PHLDB2: variants seen among roughly 807,000 people sequenced by gnomAD.
PHLDB2 encodes pleckstrin homology like domain family B member 2, also known as pleckstrin homology-like domain family B member 2.
Under a neutral mutation model 123.6 loss-of-function variants are expected in PHLDB2, and 71 were observed. The ratio of observed to expected loss-of-function variants is 0.57; its 90% confidence interval spans 0.47 to 0.70. PHLDB2 has a LOEUF of 0.70. PHLDB2 is among the 30% of genes least tolerant of loss of function. The pLI is 0.00. For missense variants in PHLDB2, 1,446 were observed against 1,519.5 expected, an observed-to-expected ratio of 0.95 and a Z score of 0.80; for synonymous variants, 547 against 541.6, an observed-to-expected ratio of 1.01 and a Z score of -0.14.
At chr3:111,797,016 ATTAGTCTACCCTT>A (rs1559836343) in intron 1 of PHLDB2, among the ~76,000 whole-genome samples, 1 of 152,122 alleles carries the variant, frequency 6.6e-6, no homozygotes, top group Non-Finnish European at 1.5e-5. Context: ...CTAGCTCAGG[ATTAGTCTACCCTT>A]TTACCTAAAA....
intron 1 of PHLDB2, among the ~76,000 whole-genome samples, chr3:111,872,338 T>C (rs1030143553): frequency 6.6e-6 from 1 of 152,216 alleles, no homozygotes. Context: ...TCAGCATAGA[T>C]CAAGAAGACA....
intron 1 of PHLDB2, among the ~76,000 whole-genome samples, chr3:111,780,950 G>A (rs1445037344): frequency 6.6e-6 from 1 of 152,034 alleles, no homozygotes; most frequent in Non-Finnish European, 1.5e-5. Flanking sequence ...CCCAAATCAA[G>A]CATAGAGCTA....
intron 1 of PHLDB2, among the ~76,000 whole-genome samples, chr3:111,777,484 A>G (rs73855604): frequency 5.8e-4 from 88 of 152,208 alleles, no homozygotes; most frequent in African/African-American, 2.1e-3. Context: ...TAACAAAGGG[A>G]TATTTAGTAC....
chr3:111,748,802 G>A (rs1452893060), intron 1 of PHLDB2, among the ~76,000 whole-genome samples: 7 of 152,114 alleles, frequency 4.6e-5, no homozygotes, highest in Non-Finnish European at 7.3e-5. Context: ...GATTACAGGC[G>A]TGAGTCACTG....
chr3:111,958,988 A>T (rs2107655568), intron 12 of PHLDB2, among the ~76,000 whole-genome samples: 1 of 152,378 alleles, frequency 6.6e-6, no homozygotes, highest in South Asian at 2.1e-4. Context: ...TGTGGTGCAC[A>T]GGACATCTGC....
Position 111,974,433 on chromosome 3 carries a change from C to A in PHLDB2, c.3632C>A (p.Pro1211Gln). 3 of 1,598,348 alleles carry A rather than the reference C, an allele frequency of 1.9e-6. No individual in the cohort carries two copies. Among genetic ancestry groups the A allele is most frequent in the Non-Finnish European group, 2.6e-6 (3 of 1,172,824 alleles). The change falls in exon 18 of 18, where the codon CCG becomes CAG. Residue 1211 changes from proline (P) to glutamine (Q), a missense_variant. Physicochemically the swap from Pro to Gln is moderately conservative, Grantham distance 76. Around this residue, in one of 3 missense-constraint regions of PHLDB2, gnomAD observed 594 missense variants for 646.0 expected, o/e 0.92. Transcript: ENST00000431670. The part of the protein sequence containing the change: ...HLKNANKSPN[P>Q]LLTFSVKTHD... Reference sequence around the variant, plus strand: ...TTTTTTGAATTTTAGAGTCCTAATCCGTTACTCACCTTTAGCGTCAAGACT... The same window carrying A: ...TTTTTTGAATTTTAGAGTCCTAATCAGTTACTCACCTTTAGCGTCAAGACT...
chr3:111,830,045 A>G (rs1355444191), intron 1 of PHLDB2, among the ~76,000 whole-genome samples: 2 of 151,840 alleles, frequency 1.3e-5, no homozygotes, highest in South Asian at 2.1e-4. Context: ...CCAAGCCACT[A>G]AAGAGAAATT....
chr3:111,953,265 G>A (rs1326373285), intron 11 of PHLDB2, among the ~76,000 whole-genome samples: 4 of 152,152 alleles, frequency 2.6e-5, no homozygotes, highest in African/African-American at 4.8e-5. Flanking sequence ...CCTGATGCCC[G>A]CCCAAGCTCT....
chr3:111,749,366 G>A (rs1238094780), intron 1 of PHLDB2, among the ~76,000 whole-genome samples: 1 of 152,004 alleles, frequency 6.6e-6, no homozygotes, highest in Non-Finnish European at 1.5e-5. Context: ...TTAGTGGCAT[G>A]TGAAAGATGA....
At chr3:111,895,980 T>A (rs895873721) in intron 2 of PHLDB2, among the ~76,000 whole-genome samples, 1 of 152,194 alleles carries the variant, frequency 6.6e-6, no homozygotes, top group Non-Finnish European at 1.5e-5. Flanking sequence ...GTCAAATTAC[T>A]TAGTATATCT....
chr3:111,969,665 T>C (rs1559928702), intron 15 of PHLDB2, 25 bp from the exon 16 acceptor site: 3 of 1,578,520 alleles, frequency 1.9e-6, no homozygotes, highest in Non-Finnish European at 8.7e-7. Flanking sequence ...TAGCTATAGA[T>C]GCAATGGGTT....
chr3:111,747,141 A>G (rs1216430062), intron 1 of PHLDB2, among the ~76,000 whole-genome samples: 1 of 152,236 alleles, frequency 6.6e-6, no homozygotes, highest in Admixed American at 6.5e-5. Context: ...ATGCAAGATG[A>G]TATGTAATCA....
chr3:111,859,454 C>T lies in PHLDB2; in HGVS notation c.-137C>T, dbSNP rs2064681716. ...CAAAGGGGGTCAAGAGTGCCGGACC[C>T]AGCCGCGCGGAGCCCACCATTGCGG... On this transcript the variant is annotated 5_prime_UTR_variant, in exon 1 of 18. Transcript: ENST00000431670. 2.0e-6 allele frequency: 2 copies of T among 985,424 alleles called. No homozygotes were observed. The highest frequency in any genetic ancestry group is 1.2e-6 in the Non-Finnish European group (1 of 829,998). The allele number at this position is 985,424 out of a possible 1,614,324, so 61.0% of individuals were successfully genotyped here. A position where few individuals can be genotyped will look rare whatever the true frequency, so the allele number is the denominator to read the frequency against.
At chr3:111,834,166 G>GTAATAGAATTATATATA (rs2063245285) in intron 1 of PHLDB2, among the ~76,000 whole-genome samples, 7 of 114,176 alleles carry the variant, frequency 6.1e-5, no homozygotes, top group Non-Finnish European at 9.5e-5. Context: ...TATTATATAT[G>GTAATAGAATTATATATA]TAATAGAATT....
chr3:111,751,820 C>A (rs944620930), intron 1 of PHLDB2, among the ~76,000 whole-genome samples: 1 of 151,940 alleles, frequency 6.6e-6, no homozygotes, highest in South Asian at 2.1e-4. Context: ...CACATGTACC[C>A]TAAAACTTAA....
At chr3:111,921,869 T>C (rs962361980) in intron 5 of PHLDB2, among the ~76,000 whole-genome samples, 1 of 152,230 alleles carries the variant, frequency 6.6e-6, no homozygotes, top group Non-Finnish European at 1.5e-5. Flanking sequence ...CCCAAAGTGC[T>C]GGGATTACAG....
chr3:111,920,205 C>T lies in PHLDB2; in HGVS notation c.1864-77C>T. ...TACTTTTGGAAATTTGTAGCTGTTG[C>T]AAATGTATCTCTAGGGTGGTCAGTT... is the stretch of plus-strand genomic sequence containing the variant. On this transcript the variant is annotated intron_variant, in intron 4 of 17. Coordinates refer to ENST00000431670, the MANE Select transcript of PHLDB2 (RefSeq NM_001134438.2). 2.0e-6 allele frequency: 3 copies of T among 1,491,574 alleles called. No individual in the cohort carries two copies. The South Asian group carries it at 4.2e-5, about 21-fold the overall frequency. The allele number at this position is 1,491,574 out of a possible 1,614,324, so 92.4% of individuals were successfully genotyped here.
chr3:111,842,080 G>A (rs147249201), intron 1 of PHLDB2, among the ~76,000 whole-genome samples: 2,686 of 152,248 alleles, frequency 0.018, 30 homozygotes, highest in Non-Finnish European at 0.028. Flanking sequence ...TAAATTTAGG[G>A]AAAAGTACCT....
chr3:111,822,317 G>GTGTGTGTGTGTATA (rs1553734228), intron 1 of PHLDB2, among the ~76,000 whole-genome samples: 1 of 147,804 alleles, frequency 6.8e-6, no homozygotes, highest in African/African-American at 2.5e-5. Flanking sequence ...GTGTGTGTGT[G>GTGTGTGTGTGTATA]TATATATATA....
Sources: gnomAD v4.1 joint callset for allele counts (sites outside exome capture counted in the v4.1 genomes callset) on GRCh38, gnomAD v4.1.1 for gene constraint, gnomAD v4.1.1 regional missense constraint, MANE v1.5 for transcripts, NCBI Gene and HGNC (gene_info 2026-07-23, HGNC 2026-07-21) for gene names.